Variants in CRPPA observed in about 807,000 individuals in gnomAD.
CRPPA encodes the protein CDP-L-ribitol pyrophosphorylase A, also known as D-ribitol-5-phosphate cytidylyltransferase.
CRPPA carries 43 observed loss-of-function variants against 52.0 expected under a neutral mutation model. The ratio of observed to expected loss-of-function variants is 0.83; its 90% CI spans 0.65 to 1.07. The LOEUF is 1.07. Ranked by LOEUF, CRPPA falls within the 50% of genes least tolerant of loss-of-function variation. The pLI is 0.00. For missense variants in CRPPA, 629 were observed against 551.7 expected (o/e 1.14, Z -1.40); for synonymous variants, 250 against 203.5 (o/e 1.23, Z -1.94).
intron 9 of CRPPA, among the ~76,000 whole-genome samples, chr7:16,119,762 A>T (rs1203108671): frequency 6.6e-6 from 1 of 152,226 alleles, no homozygotes; most frequent in Non-Finnish European, 1.5e-5. Flanking sequence ...AAAAAGTTTA[A>T]TTCACCAGAG....
At chr7:16,337,372 G>T (rs1785710549) in intron 3 of CRPPA, among the ~76,000 whole-genome samples, 1 of 152,008 alleles carries the variant, frequency 6.6e-6, no homozygotes, top group Admixed American at 6.5e-5. Flanking sequence ...ACAGGTCACA[G>T]AAGAAAATCA....
At chr7:16,395,796 C>A (rs1027119892) in intron 2 of CRPPA, among the ~76,000 whole-genome samples, 1 of 152,194 alleles carries the variant, frequency 6.6e-6, no homozygotes, top group African/African-American at 2.4e-5. Context: ...TCATGTTAAA[C>A]CATAGATACT....
At chr7:16,154,295 G>A (rs1242766375) in intron 9 of CRPPA, among the ~76,000 whole-genome samples, 1 of 151,968 alleles carries the variant, frequency 6.6e-6, no homozygotes, top group African/African-American at 2.4e-5. Flanking sequence ...GTATACGTGT[G>A]CCACGGTGGT....
At chr7:16,209,273 C>CTTTGTTTTTTTTTTTTTTTTTT (rs1782058399) in intron 9 of CRPPA, 1 of 122,066 alleles carries the variant, frequency 8.2e-6, no homozygotes, top group Non-Finnish European at 1.8e-5. Flanking sequence ...TTCTAAGTGT[C>CTTTGTTTTTTTTTTTTTTTTTT]TTTTTTTTTT....
chr7:16,241,917 A>G (rs528162394), intron 8 of CRPPA, among the ~76,000 whole-genome samples: 1 of 142,398 alleles, frequency 7.0e-6, no homozygotes, highest in South Asian at 2.3e-4. Context: ...CGGCCTATAA[A>G]TCTTGTTTAA....
chr7:16,144,047 T>A (rs942196196), intron 9 of CRPPA, among the ~76,000 whole-genome samples: 2 of 152,060 alleles, frequency 1.3e-5, no homozygotes, highest in African/African-American at 4.8e-5. Flanking sequence ...GGAATTCAGG[T>A]AGAGGGAAGG....
At chr7:16,395,087 T>G (rs1787536038) in intron 2 of CRPPA, among the ~76,000 whole-genome samples, 1 of 152,180 alleles carries the variant, frequency 6.6e-6, no homozygotes, top group South Asian at 2.1e-4. Flanking sequence ...CCTGAGAAGC[T>G]TGTTGTAGGA....
intron 2 of CRPPA, among the ~76,000 whole-genome samples, chr7:16,396,062 A>C (rs1184545578): frequency 6.6e-6 from 1 of 152,174 alleles, no homozygotes; most frequent in East Asian, 1.9e-4. Context: ...AACTCACTGC[A>C]TTCTCACAAG....
chr7:16,160,775 A>G (rs192063273), intron 9 of CRPPA, among the ~76,000 whole-genome samples: 1 of 152,310 alleles, frequency 6.6e-6, no homozygotes, highest in African/African-American at 2.4e-5. Flanking sequence ...TTTTCACGAT[A>G]TTGATTATTC....
rs114123731 is a variant in CRPPA at position 16,169,805 on chromosome 7, T to C, written c.1251+46261A>G. ...AAAATGAGGTTATTTCCAACAACAG[T>C]TGTTTTGACTACTTAGACAATGGAA... On this transcript the variant is annotated intron_variant, in intron 9 of 9. Transcript: ENST00000407010. Among the ~76,000 whole-genome samples the C allele has an allele frequency of 6.7e-3, 1,019 of 152,306 alleles. 13 individuals carry two copies. Among genetic ancestry groups the C allele is most frequent in the African/African-American group, 0.023 (976 of 41,570 alleles).
chr7:16,277,582 C>T (rs1199146868), intron 6 of CRPPA, among the ~76,000 whole-genome samples: 2 of 152,036 alleles, frequency 1.3e-5, no homozygotes, highest in African/African-American at 4.8e-5. Flanking sequence ...TGATTAATGG[C>T]AGTGCTTGGT....
chr7:16,316,761 C>A (rs1235251594), intron 3 of CRPPA, among the ~76,000 whole-genome samples: 7 of 151,904 alleles, frequency 4.6e-5, no homozygotes, highest in Non-Finnish European at 1.0e-4. Context: ...GAAGGCTGAG[C>A]CAGGAGAATC....
Position 16,104,652 on chromosome 7 carries a change from G to A in CRPPA, c.1252-12853C>T, listed in dbSNP as rs187067008. Among the ~76,000 whole-genome samples, 10 of 152,274 alleles carry A rather than the reference G, an allele frequency of 6.6e-5. No homozygotes were observed. In the East Asian group the frequency reaches 1.7e-3, roughly 26 times the overall value. On this transcript the variant is annotated intron_variant, in intron 9 of 9. Transcript: ENST00000407010. ...GCAGTGGCTCACGCCTGTAATCCCA[G>A]CACTCTAGGAGGCCAAGGTGGGCAG...
rs551123559 is a variant in CRPPA at position 16,400,754 on chromosome 7, C to T, written c.534+5307G>A. On this transcript the variant is annotated intron_variant, in intron 2 of 9. Transcript: ENST00000407010. ...CAACACCTGTGACGTGGCACATGAC[C>T]AATATGTGTGATGGAAGACGTGGAC... Among the ~76,000 whole-genome samples the T allele has an allele frequency of 2.6e-5, 4 of 152,336 alleles. No individual in the cohort carries two copies. In the South Asian group the frequency reaches 8.3e-4, roughly 32 times the overall value.
intron 3 of CRPPA, among the ~76,000 whole-genome samples, chr7:16,328,011 C>T (rs1205233157): frequency 6.6e-6 from 1 of 152,168 alleles, no homozygotes; most frequent in Non-Finnish European, 1.5e-5. Context: ...CCATGAAATG[C>T]AGATGAGATT....
chr7:16,260,428 G>C (rs930246325), intron 6 of CRPPA, among the ~76,000 whole-genome samples: 2 of 151,888 alleles, frequency 1.3e-5, no homozygotes, highest in Non-Finnish European at 2.9e-5. Flanking sequence ...GAACTCTACT[G>C]CCCAGCAACA....
Position 16,216,111 on chromosome 7 carries a change from T to C in CRPPA, c.1206A>G (p.Lys402=), listed in dbSNP as rs775494335. 1 of 1,600,388 alleles carries C rather than the reference T, an allele frequency of 6.2e-7. No homozygotes were observed. Among genetic ancestry groups the C allele is most frequent in the South Asian group, 1.1e-5 (1 of 89,250 alleles). ...GCCCATATAACAAAATATTTCTTTCTTTTACTTCCTTTGCAAATTCTCTAA... is the reference window on the plus strand; with the variant it reads ...GCCCATATAACAAAATATTTCTTTCCTTTACTTCCTTTGCAAATTCTCTAA... ...MQIREFAKEV[K]ERNILLYGLL... The change falls in exon 9 of 10, where the codon AAA becomes AAG. Residue 402 remains lysine (K), a synonymous_variant. Transcript: ENST00000407010.
chr7:16,252,738 A>AT (rs1221110256), intron 8 of CRPPA, among the ~76,000 whole-genome samples: 4 of 151,744 alleles, frequency 2.6e-5, no homozygotes, highest in Non-Finnish European at 4.4e-5. Context: ...CTGGTCCTGG[A>AT]TTTTTTTTGG....
At chr7:16,287,020 TTTAGTGCTCATGTC>T (rs1784465348) in intron 5 of CRPPA, among the ~76,000 whole-genome samples, 1 of 152,208 alleles carries the variant, frequency 6.6e-6, no homozygotes, top group African/African-American at 2.4e-5. Flanking sequence ...ATTATGATTA[TTTAGTGCTCATGTC>T]ATACTATATA....
Sources: allele counts gnomAD v4.1 joint callset (sites outside exome capture counted in the v4.1 genomes callset), GRCh38; gene constraint gnomAD v4.1.1; transcripts MANE v1.5; gene names NCBI Gene and HGNC (gene_info 2026-07-23, HGNC 2026-07-21).